Variants in ANKRD28 observed in about 807,000 individuals in gnomAD.
ANKRD28 encodes the protein ankyrin repeat domain 28.
Under a neutral mutation model 126.5 loss-of-function variants are expected in ANKRD28, and 44 were observed. The observed-to-expected ratio is 0.35, with a 90% CI of 0.27 to 0.45. The LOEUF (loss-of-function observed/expected upper bound fraction) is 0.45, where lower values mean the gene tolerates loss of function less well. Ranked by LOEUF, ANKRD28 falls within the 20% of genes least tolerant of loss-of-function variation. The probability of loss-of-function intolerance (pLI) is 1.00; values close to 1 mark genes in which losing one functional copy is unlikely to be tolerated. For synonymous variants in ANKRD28, 442 were observed against 468.5 expected (o/e 0.94, Z 0.73); for missense variants, 1,110 against 1,316.6 (o/e 0.84, Z 2.43).
At chr3:15,805,499 C>G (rs17041535) in intron 1 of ANKRD28, among the ~76,000 whole-genome samples, 3,685 of 152,124 alleles carry the variant, frequency 0.024, 161 homozygotes, top group African/African-American at 0.082. Flanking sequence ...GACTTATGTT[C>G]TATCAGGCCA....
At chr3:15,781,068 T>C (rs2059516605) in intron 2 of ANKRD28, among the ~76,000 whole-genome samples, 1 of 151,540 alleles carries the variant, frequency 6.6e-6, no homozygotes, top group Admixed American at 6.6e-5. Flanking sequence ...CAAATGGGAC[T>C]GCATTAAATG....
chr3:15,721,618 T>C (rs1299857621), intron 7 of ANKRD28, among the ~76,000 whole-genome samples: 3 of 152,256 alleles, frequency 2.0e-5, no homozygotes, highest in Non-Finnish European at 4.4e-5. Flanking sequence ...CGGCATGTTC[T>C]ATTTATTTAA....
At position 15,677,964 on chromosome 3, in the gene ANKRD28, A is replaced by C. The variant is rs114910267; in HGVS notation, c.2707+245T>G. The stretch of plus-strand genomic sequence containing the variant: ...AAGATCTAGGACTCACATTCAGGCA[A>C]TCCAACTCCACAGCCAGTGTTCTTA... On this transcript the variant is annotated intron_variant, in intron 24 of 27. Coordinates refer to ENST00000683139, the MANE Select transcript of ANKRD28 (RefSeq NM_001349278.2). Among the ~76,000 whole-genome samples the C allele has an allele frequency of 5.8e-3, 887 of 152,234 alleles. 6 individuals carry two copies. The highest frequency in any genetic ancestry group is 0.02 in the African/African-American group (846 of 41,560).
chr3:15,801,448 C>A (rs2060463862), upstream of ANKRD28, among the ~76,000 whole-genome samples: 1 of 152,108 alleles, frequency 6.6e-6, no homozygotes, highest in South Asian at 2.1e-4. The surrounding 1 kb of genome is among the most constrained non-coding windows in gnomAD (Gnocchi z 4.9). Context: ...TATTAAGTGG[C>A]TACTCTGTGG....
Position 15,830,706 on chromosome 3 carries a change from A to T in ANKRD28, c.27+28671T>A, listed in dbSNP as rs2061170416. On this transcript the variant is annotated intron_variant, in intron 1 of 27. Transcript: ENST00000399451. The surrounding 1 kb of genome is among the most constrained non-coding windows in gnomAD (Gnocchi z 4.5). ...AAGGTTTGGCCCTTGCTCAGCTCCT[A>T]GGAGGTAACTGCTAACCCCTTGGAA... Among the ~76,000 whole-genome samples the T allele has an allele frequency of 6.6e-6, 1 of 151,978 alleles. No individual in the cohort carries two copies. Among genetic ancestry groups the T allele is most frequent in the African/African-American group, 2.4e-5 (1 of 41,382 alleles).
chr3:15,695,829 C>G lies in ANKRD28; in HGVS notation c.1659+305G>C, dbSNP rs185737407. Among the ~76,000 whole-genome samples the G allele has an allele frequency of 9.2e-5, 14 of 152,070 alleles. No individual in the cohort carries two copies. In the East Asian group the frequency reaches 2.5e-3, roughly 27 times the overall value. On this transcript the variant is annotated intron_variant, in intron 15 of 27. Transcript: ENST00000683139. ...GGACTTTTATTTCTCACAAAAGACACAGTTATAGTTTTTTAGAAACTTATG... is the reference window on the plus strand; with the variant it reads ...GGACTTTTATTTCTCACAAAAGACAGAGTTATAGTTTTTTAGAAACTTATG...
At chr3:15,737,852 T>C (rs1326131559) in intron 4 of ANKRD28, among the ~76,000 whole-genome samples, 1 of 151,426 alleles carries the variant, frequency 6.6e-6, no homozygotes, top group Non-Finnish European at 1.5e-5. Context: ...CAATGTATTA[T>C]ACATGCTATA....
chr3:15,772,436 C>T (rs924556968), intron 2 of ANKRD28, among the ~76,000 whole-genome samples: 12 of 152,014 alleles, frequency 7.9e-5, no homozygotes, highest in African/African-American at 2.9e-4. Context: ...CAAAAAAACC[C>T]AGAGATGAAT....
chr3:15,807,039 T>C (rs1167707895), intron 1 of ANKRD28, among the ~76,000 whole-genome samples: 5 of 152,248 alleles, frequency 3.3e-5, no homozygotes, highest in Non-Finnish European at 7.3e-5. Flanking sequence ...AATGCCATCA[T>C]ATATGACCTA....
chr3:15,670,001 T>C lies in ANKRD28; in HGVS notation c.*269A>G. The C allele has an allele frequency of 2.5e-6, 1 of 396,028 alleles. No homozygotes were observed. Among genetic ancestry groups the C allele is most frequent in the Non-Finnish European group, 4.6e-6 (1 of 216,610 alleles). The allele number at this position is 396,028 out of a possible 1,614,324, so 24.5% of individuals were successfully genotyped here. On this transcript the variant is annotated 3_prime_UTR_variant, in exon 28 of 28. Coordinates refer to ENST00000683139, the MANE Select transcript of ANKRD28 (RefSeq NM_001349278.2). ...AGTGCACAGTGTCCCCAATTGTTCC[T>C]GGCACTGCAAAACCAAATTAAACAA...
At chr3:15,775,324 A>G (rs1283834568) in intron 2 of ANKRD28, among the ~76,000 whole-genome samples, 1 of 152,190 alleles carries the variant, frequency 6.6e-6, no homozygotes, top group Non-Finnish European at 1.5e-5. Context: ...TTCCCCTTCT[A>G]CTCACACACC....
chr3:15,847,928 C>T (rs1218519402), intron 1 of ANKRD28, among the ~76,000 whole-genome samples: 1 of 152,186 alleles, frequency 6.6e-6, no homozygotes, highest in African/African-American at 2.4e-5. Flanking sequence ...TAGAACTCAG[C>T]ACACAGGATC....
chr3:15,803,135 C>T (rs141913595), intron 1 of ANKRD28, among the ~76,000 whole-genome samples: 2 of 152,122 alleles, frequency 1.3e-5, no homozygotes, highest in Admixed American at 1.3e-4. Context: ...ATTGAGAACT[C>T]ATTAAAAATT....
At position 15,677,542 on chromosome 3, in the gene ANKRD28, T is replaced by C. The variant is rs34208188; in HGVS notation, c.2728A>G (p.Ser910Gly). 0.037 allele frequency: 59,773 copies of C among 1,611,866 alleles called. 1,249 individuals carry two copies. Among genetic ancestry groups the C allele is most frequent in the Non-Finnish European group, 0.041 (48,205 of 1,178,394 alleles). ...NTVEMLVSSA[S>G]AELTLQDNSK... is the part of the protein sequence containing the mutation. ...TTATCTTGTAAAGTCAGTTCTGCAC[T>C]AGCACTGCTAACCAGCATCTCTGGG... The change falls in exon 25 of 28, where the codon AGT (serine) becomes GGT (glycine). Residue 910 changes from serine (S) to glycine (G), a missense_variant. Transcript: ENST00000683139.
At chr3:15,747,894 T>G (rs2057588857) in intron 4 of ANKRD28, among the ~76,000 whole-genome samples, 1 of 152,230 alleles carries the variant, frequency 6.6e-6, no homozygotes, top group Admixed American at 6.5e-5. Flanking sequence ...CATACATATT[T>G]AGAATTGTGA....
intron 8 of ANKRD28, among the ~76,000 whole-genome samples, chr3:15,715,213 G>T (rs1051156567): frequency 1.3e-5 from 2 of 152,126 alleles, no homozygotes; most frequent in Non-Finnish European, 2.9e-5. Flanking sequence ...CCTGATTTAG[G>T]TTATCTTTTC....
intron 26 of ANKRD28, 96 bp from the exon 27 acceptor site, chr3:15,676,085 G>T: frequency 2.0e-6 from 2 of 978,096 alleles, no homozygotes; most frequent in South Asian, 1.7e-5. Flanking sequence ...GTCAACTTGT[G>T]AAGACCAAGA....
At chr3:15,709,434 A>G (rs1253373884) in intron 13 of ANKRD28, among the ~76,000 whole-genome samples, 3 of 152,130 alleles carry the variant, frequency 2.0e-5, no homozygotes, top group Non-Finnish European at 4.4e-5. Context: ...GTATAGAGGC[A>G]TTTATAAGGC....
intron 1 of ANKRD28, among the ~76,000 whole-genome samples, chr3:15,847,549 A>G (rs1328623228): frequency 2.6e-5 from 4 of 152,052 alleles, no homozygotes; most frequent in Non-Finnish European, 5.9e-5. Flanking sequence ...TATATCCAAA[A>G]CTGAATTCAC....
Sources: allele counts gnomAD v4.1 joint callset (sites outside exome capture counted in the v4.1 genomes callset), GRCh38; gene constraint gnomAD v4.1.1; non-coding constraint Gnocchi (gnomAD v3.1); transcripts MANE v1.5; gene names NCBI Gene and HGNC (gene_info 2026-07-23, HGNC 2026-07-21).